The following SUCLG2 variants were observed in gnomAD, a reference collection of about 807,000 sequenced individuals.
SUCLG2 encodes succinate--CoA ligase [GDP-forming] subunit beta, mitochondrial.
In SUCLG2, 42 loss-of-function variants were observed where a neutral mutation model predicts 47.9. The observed-to-expected ratio is 0.88, with a 90% CI of 0.69 to 1.14. The LOEUF is 1.14. Among genes scored for constraint, SUCLG2 ranks in the 50% most tolerant of loss-of-function variants. SUCLG2 has a pLI of 0.00. For synonymous variants in SUCLG2, 195 were observed against 197.3 expected (o/e 0.99, Z 0.10); for missense variants, 571 against 525.9 (o/e 1.09, Z -0.84).
At chr3:67,373,269 T>C (rs573376511), downstream of SUCLG2, among the ~76,000 whole-genome samples, 17 of 152,016 alleles carry the variant, frequency 1.1e-4, no homozygotes, top group African/African-American at 3.6e-4. Flanking sequence ...ATGACATTTT[T>C]TTTTTCCTCA....
intron 2 of SUCLG2, among the ~76,000 whole-genome samples, chr3:67,532,769 G>A (rs1007467453): frequency 1.3e-5 from 2 of 152,102 alleles, no homozygotes; most frequent in African/African-American, 2.4e-5. Flanking sequence ...TATTTAGAGC[G>A]ATTTAAAAAG....
chr3:67,508,996 G>T, intron 6 of SUCLG2, 93 bp from the exon 7 acceptor site: 1 of 882,472 alleles, frequency 1.1e-6, no homozygotes, highest in Non-Finnish European at 1.7e-6. Context: ...AGCAAGTTAT[G>T]TCTTTATTTT....
At chr3:67,577,182 C>A (rs939238783) in intron 2 of SUCLG2, among the ~76,000 whole-genome samples, 3 of 152,142 alleles carry the variant, frequency 2.0e-5, no homozygotes, top group African/African-American at 7.2e-5. Flanking sequence ...CATGGTGGCA[C>A]ATGCCAGTAC....
At position 67,520,499 on chromosome 3, in the gene SUCLG2, G is replaced by C; in HGVS notation, c.553C>G (p.Pro185Ala). 6.2e-7 allele frequency: 1 copy of C among 1,614,098 alleles called. No individual in the cohort carries two copies. Among genetic ancestry groups the C allele is most frequent in the African/African-American group, 1.3e-5 (1 of 75,046 alleles). ...VDIEEVAASN[P>A]ELIFKEQIDI... ...AAACATACCTTAAAAATGAGCTCCG[G>C]GTTTGAAGCAGCCACCTCTTCAATG... The change falls in exon 5 of 11, where the codon CCG (proline) becomes GCG (alanine). Residue 185 changes from proline to alanine, a missense_variant. Transcript: ENST00000307227.
At position 67,375,862 on chromosome 3, in the gene SUCLG2, A is replaced by G; in HGVS notation, c.1184-3T>C. On this transcript the variant is annotated splice_polypyrimidine_tract_variant and splice_region_variant and intron_variant, in intron 10 of 10. Transcript: ENST00000307227. The stretch of plus-strand genomic sequence containing the variant: ...CTGGGCCTCTTGGACGTTGGTTCCT[A>G]GAAGGGGGACAGGGAACAATCACTG... The G allele has an allele frequency of 6.2e-7, 1 of 1,612,608 alleles. No homozygotes were observed. Among genetic ancestry groups the G allele is most frequent in the Non-Finnish European group, 8.5e-7 (1 of 1,179,382 alleles).
intron 2 of SUCLG2, among the ~76,000 whole-genome samples, chr3:67,534,768 CAAAAAAAAAAAAAAAAAAA>C (rs60612549): frequency 1.4e-4 from 5 of 34,932 alleles, no homozygotes; most frequent in Non-Finnish European, 2.9e-4. Context: ...ACACTGATGG[CAAAAAAAAAAAAAAAAAAA>C]AAAAAAAAAA....
intron 2 of SUCLG2, among the ~76,000 whole-genome samples, chr3:67,599,360 C>G (rs556894217): frequency 3.3e-5 from 5 of 152,032 alleles, no homozygotes; most frequent in African/African-American, 1.2e-4. Flanking sequence ...GGACAATGAG[C>G]GAAAGGTAAA....
chr3:67,571,388 T>C (rs564872058), intron 2 of SUCLG2, among the ~76,000 whole-genome samples: 7 of 152,300 alleles, frequency 4.6e-5, no homozygotes, highest in Admixed American at 3.9e-4. Flanking sequence ...CATTAGACTG[T>C]TGACATTTAC....
intron 4 of SUCLG2, among the ~76,000 whole-genome samples, chr3:67,522,167 G>A (rs2107132393): frequency 6.6e-6 from 1 of 151,872 alleles, no homozygotes; most frequent in Middle Eastern, 3.4e-3. Flanking sequence ...CGAATCTCCT[G>A]AGTAGCTGAA....
intron 10 of SUCLG2, among the ~76,000 whole-genome samples, chr3:67,385,018 C>G (rs898088483): frequency 3.3e-5 from 5 of 152,228 alleles, no homozygotes; most frequent in Non-Finnish European, 7.3e-5. Context: ...GTCTATAAGA[C>G]ACTACAGACT....
chr3:67,565,775 C>G (rs552319214), intron 2 of SUCLG2, among the ~76,000 whole-genome samples: 20 of 152,330 alleles, frequency 1.3e-4, no homozygotes, highest in Admixed American at 6.5e-4. Flanking sequence ...CTCACTAGCG[C>G]CTAGCACCTT....
At chr3:67,518,381 A>G (rs1337113786) in intron 5 of SUCLG2, 45 bp from the exon 6 acceptor site, 1 of 1,554,340 alleles carries the variant, frequency 6.4e-7, no homozygotes, top group South Asian at 1.2e-5. Context: ...CAGTCAACTG[A>G]GAAGATTTAC....
At chr3:67,615,853 G>T (rs1019266417) in intron 1 of SUCLG2, among the ~76,000 whole-genome samples, 2 of 152,042 alleles carry the variant, frequency 1.3e-5, no homozygotes, top group Non-Finnish European at 2.9e-5. Context: ...TACATGCAAG[G>T]ATCTTCTCTG....
chr3:67,437,736 T>C (rs1703658985), intron 9 of SUCLG2, among the ~76,000 whole-genome samples: 1 of 152,136 alleles, frequency 6.6e-6, no homozygotes, highest in Non-Finnish European at 1.5e-5. Context: ...GAAAATTTGG[T>C]TGAACGTAAA....
intron 10 of SUCLG2, among the ~76,000 whole-genome samples, chr3:67,361,046 T>C (rs955466950): frequency 6.6e-6 from 1 of 152,078 alleles, no homozygotes; most frequent in Admixed American, 6.6e-5. Flanking sequence ...CAGATAGAAA[T>C]AGCAACCATG....
chr3:67,401,247 G>A (rs1032833320), intron 9 of SUCLG2, among the ~76,000 whole-genome samples: 3 of 151,606 alleles, frequency 2.0e-5, no homozygotes, highest in East Asian at 3.9e-4. Context: ...TATATGTCAT[G>A]GTGCCTCACA....
rs1263864521 is a variant in SUCLG2, at chr3:67,508,837, T to G, written c.727A>C (p.Asn243His). The G allele has an allele frequency of 6.2e-7, 1 of 1,611,084 alleles. No homozygotes were observed. The highest frequency in any genetic ancestry group is 1.7e-5 in the Admixed American group (1 of 59,744). The change falls in exon 7 of 11, where the codon AAT (asparagine) becomes CAT (histidine). Residue 243 changes from asparagine to histidine, a missense_variant. By Grantham distance (68) the Asn-to-His change is moderately conservative. Transcript: ENST00000307227. ...CCTTCTGGAGTTTCACCAAAGGGAT[T>G]CACTTCCACCTGAGTAGCATCAATT... Reference protein sequence around the residue: ...LKIDATQVEVNPFGETPEGQV... With the variant: ...LKIDATQVEVHPFGETPEGQV...
At chr3:67,649,696 T>A (rs148245761) in intron 1 of SUCLG2, among the ~76,000 whole-genome samples, 35 of 152,362 alleles carry the variant, frequency 2.3e-4, no homozygotes, top group African/African-American at 7.9e-4. Flanking sequence ...CCAAATTTCA[T>A]TAGTGTACTG....
chr3:67,448,827 G>T (rs76038322), intron 9 of SUCLG2, among the ~76,000 whole-genome samples: 2,810 of 151,016 alleles, frequency 0.019, 99 homozygotes, highest in African/African-American at 0.064. Context: ...TGTAAAAAAG[G>T]TTTTTTTTTC....
Sources: gnomAD v4.1 joint callset for allele counts (sites outside exome capture counted in the v4.1 genomes callset) on GRCh38, gnomAD v4.1.1 for gene constraint, MANE v1.5 for transcripts, NCBI Gene and HGNC (gene_info 2026-07-23, HGNC 2026-07-21) for gene names.